ARFIP2: variants seen among roughly 807,000 people sequenced by gnomAD.
ARFIP2 encodes the protein arfaptin-2.
In ARFIP2, 14 loss-of-function variants were observed where a neutral mutation model predicts 39.2. The observed-to-expected ratio is 0.36, with a 90% CI of 0.24 to 0.56. The LOEUF (loss-of-function observed/expected upper bound fraction) is 0.56. Among genes scored for constraint, ARFIP2 ranks in the 20% least tolerant of loss-of-function variants. The pLI is 0.85. For synonymous variants in ARFIP2, 167 were observed against 172.4 expected (o/e 0.97, Z 0.24); for missense variants, 305 against 422.5 (o/e 0.72, Z 2.44).
Position 6,476,883 on chromosome 11 carries a change from T to C in ARFIP2, c.*230A>G. On this transcript the variant is annotated 3_prime_UTR_variant, in exon 8 of 8. Coordinates refer to ENST00000396777, the MANE Select transcript of ARFIP2 (RefSeq NM_001376558.2). ...TTGGCTGTGAAGTGGAAGGAAAAGA[T>C]CTGGGAATGAAGCCCTGTGGCCAGG... is the stretch of plus-strand genomic sequence containing the variant. The C allele has an allele frequency of 2.1e-6, 1 of 484,030 alleles. No homozygotes were observed. Among genetic ancestry groups the C allele is most frequent in the Non-Finnish European group, 3.7e-6 (1 of 273,254 alleles). 30.0% of individuals were successfully genotyped at this position (484,030 alleles called of 1,614,324 possible).
rs772865296 is a variant in ARFIP2, at chr11:6,478,238, C to G, written c.538-40G>C. ...GAGGAACAGACCTTGAATAACACTC[C>G]CTACCTGACTGAAGCTGTAGAGCCC... On this transcript the variant is annotated intron_variant, in intron 5 of 7. Transcript: ENST00000396777. This position sits in a 1 kb window ranked among gnomAD's most constrained non-coding sequence, Gnocchi z 4.8. The G allele has an allele frequency of 7.4e-6, 12 of 1,611,038 alleles. 1 individual carries two copies. The South Asian group carries it at 1.1e-4, about 15-fold the overall frequency.
In ARFIP2 at chr11:6,478,695, C is replaced by A. The variant is rs765611786; in HGVS notation, c.537+43G>T. The A allele has an allele frequency of 1.9e-6, 3 of 1,583,402 alleles. No individual in the cohort carries two copies. The South Asian group carries it at 3.4e-5, about 18-fold the overall frequency. ...GATGAGGAATGACTGCCTGGGAGGG[C>A]CCATGCCCAGTTCCCCCACCCTCTT... is the stretch of plus-strand genomic sequence containing the variant. On this transcript the variant is annotated intron_variant, in intron 5 of 7. Transcript: ENST00000396777. The surrounding 1 kb of genome is among the most constrained non-coding windows in gnomAD (Gnocchi z 4.8).
rs201451089 is a variant in ARFIP2, at chr11:6,478,122, A to T, written c.614T>A (p.Phe205Tyr). Reference sequence around the variant, plus strand: ...CAATGTGTTGATGCTAGAGACAAAGAAGTTCACGGCTCCTAGCAGCGTTTC... The same window carrying T: ...CAATGTGTTGATGCTAGAGACAAAGTAGTTCACGGCTCCTAGCAGCGTTTC... ...NGETLLGAVN[F>Y]FVSSINTLVT... The change falls in exon 6 of 8, where the codon TTC (phenylalanine) becomes TAC (tyrosine). Residue 205 changes from phenylalanine (F) to tyrosine (Y), a missense_variant. This residue lies in a region of ARFIP2 where 42 missense variants were observed against 101.2 expected (regional missense o/e 0.42). Transcript: ENST00000396777. This position sits in a 1 kb window ranked among gnomAD's most constrained non-coding sequence, Gnocchi z 4.8. 14 of 1,614,066 alleles carry T rather than the reference A, an allele frequency of 8.7e-6. No individual in the cohort carries two copies. The highest frequency in any genetic ancestry group is 1.2e-5 in the Non-Finnish European group (14 of 1,180,000).
rs1851147797 is a variant in ARFIP2 at position 6,477,046 on chromosome 11, A to G, written c.*67T>C. The G allele has an allele frequency of 6.6e-7, 1 of 1,508,320 alleles. No homozygotes were observed. The highest frequency in any genetic ancestry group is 1.3e-5 in the South Asian group (1 of 78,046). The allele number at this position is 1,508,320 out of a possible 1,614,324, so 93.4% of individuals were successfully genotyped here. On this transcript the variant is annotated 3_prime_UTR_variant, in exon 8 of 8. Coordinates refer to ENST00000396777, the MANE Select transcript of ARFIP2 (RefSeq NM_001376558.2). This position sits in a 1 kb window ranked among gnomAD's most constrained non-coding sequence, Gnocchi z 4.8. ...AGTGACAAAGGATGTACCATGTCCA[A>G]TCTCCCACACCCTGGGGCTGCCCTT...
rs1171308927 is a variant in ARFIP2 at position 6,477,783 on chromosome 11, G to A, written c.805C>T (p.Arg269Trp). The A allele has an allele frequency of 2.5e-6, 4 of 1,613,816 alleles. No individual in the cohort carries two copies. Among genetic ancestry groups the A allele is most frequent in the African/African-American group, 1.3e-5 (1 of 74,848 alleles). ...CCCCGCAGCTTCTCATACTTGTCCC[G>A]ATGGGCCTGGAAAGTGGCCTGGGCA... ...ESAQATFQAH[R>W]DKYEKLRGDV... is the part of the protein sequence containing the mutation. Residue 269 changes from arginine (R) to tryptophan (W), a missense_variant, in exon 7 of 8, where the codon CGG becomes TGG. Arg to Trp is a moderately radical substitution (Grantham distance 101). Coordinates refer to ENST00000396777, the MANE Select transcript of ARFIP2 (RefSeq NM_001376558.2). This position sits in a 1 kb window ranked among gnomAD's most constrained non-coding sequence, Gnocchi z 4.8.
chr11:6,478,636 G>A lies in ARFIP2; in HGVS notation c.537+102C>T. On this transcript the variant is annotated intron_variant, in intron 5 of 7. Transcript: ENST00000396777. This position sits in a 1 kb window ranked among gnomAD's most constrained non-coding sequence, Gnocchi z 4.8. ...GGGGTAGGGCTGGGCCCACCCTGAA[G>A]GGGTTCTCCCTGTGGGCTGCAGGAG... 2 of 1,508,052 alleles carry A rather than the reference G, an allele frequency of 1.3e-6. No individual in the cohort carries two copies. The highest frequency in any genetic ancestry group is 1.8e-6 in the Non-Finnish European group (2 of 1,124,774). The allele number at this position is 1,508,052 out of a possible 1,614,324, so 93.4% of individuals were successfully genotyped here. A position where few individuals can be genotyped will look rare whatever the true frequency, so the allele number is the denominator to read the frequency against.
intron 2 of ARFIP2, 88 bp downstream of exon 2, chr11:6,480,235 G>A (rs1430914385): frequency 7.1e-7 from 1 of 1,413,052 alleles, no homozygotes; most frequent in Non-Finnish European, 9.9e-7. Context: ...ATAAGTCAGG[G>A]GAAGGCTACT....
rs114586125 is a variant in ARFIP2, at chr11:6,476,745, G to A, written c.*368C>T. The A allele has an allele frequency of 3.2e-3, 734 of 232,418 alleles. 5 individuals carry two copies. The highest frequency in any genetic ancestry group is 0.015 in the African/African-American group (671 of 44,606). 14.4% of individuals were successfully genotyped at this position (232,418 alleles called of 1,614,324 possible). A position where few individuals can be genotyped will look rare whatever the true frequency, so the allele number is the denominator to read the frequency against. On this transcript the variant is annotated 3_prime_UTR_variant, in exon 8 of 8. Transcript: ENST00000396777. ...CAACATCATTGGCCCAGGGGAGTCC[G>A]AGAAGAGCTGCCATTGGCTGACAGG...
chr11:6,479,414 T>A, intron 3 of ARFIP2, 156 bp from the exon 4 acceptor site: 2 of 1,510,788 alleles, frequency 1.3e-6, no homozygotes, highest in Non-Finnish European at 1.8e-6. Flanking sequence ...GAACTCGGAC[T>A]TTGCGCGGTG....
intron 2 of ARFIP2, 58 bp downstream of exon 2, chr11:6,480,265 T>C: frequency 6.4e-7 from 1 of 1,550,842 alleles, no homozygotes; most frequent in Non-Finnish European, 8.8e-7. Flanking sequence ...GGTGAGAACC[T>C]AGGATTTATA....
chr11:6,478,234 A>T lies in ARFIP2; in HGVS notation c.538-36T>A. The T allele has an allele frequency of 6.2e-7, 1 of 1,610,796 alleles. No homozygotes were observed. Among genetic ancestry groups the T allele is most frequent in the Non-Finnish European group, 8.5e-7 (1 of 1,178,090 alleles). ...AAGGGAGGAACAGACCTTGAATAAC[A>T]CTCCCTACCTGACTGAAGCTGTAGA... is the stretch of plus-strand genomic sequence containing the variant. On this transcript the variant is annotated intron_variant, in intron 5 of 7. Transcript: ENST00000396777. The surrounding 1 kb of genome is among the most constrained non-coding windows in gnomAD (Gnocchi z 4.8).
At chr11:6,479,879 C>A in intron 3 of ARFIP2, 93 bp downstream of exon 3, 5 of 1,273,512 alleles carry the variant, frequency 3.9e-6, no homozygotes, top group Non-Finnish European at 2.3e-6. Flanking sequence ...GATCTCCAGA[C>A]ATAATTCAAG....
chr11:6,479,704 G>T, intron 3 of ARFIP2: 1 of 549,846 alleles, frequency 1.8e-6, no homozygotes, highest in Non-Finnish European at 3.2e-6. Context: ...GTAGAGGGGG[G>T]GCATTCCTGT....
At position 6,476,930 on chromosome 11, in the gene ARFIP2, T is replaced by C; in HGVS notation, c.*183A>G. 4.7e-6 allele frequency: 3 copies of C among 634,410 alleles called. No individual in the cohort carries two copies. Among genetic ancestry groups the C allele is most frequent in the Non-Finnish European group, 7.8e-6 (3 of 383,448 alleles). 39.3% of individuals were successfully genotyped at this position (634,410 alleles called of 1,614,324 possible). On this transcript the variant is annotated 3_prime_UTR_variant, in exon 8 of 8. Transcript: ENST00000396777. ...CAGGAAGATAGACAGGGCAGCAACT[T>C]CTGGGCCTCCAGGCCCTCTTCCCAC...
In ARFIP2 at chr11:6,477,966, C is replaced by A. The variant is rs1851278623; in HGVS notation, c.696-74G>T. ...CATACTCTCCTTTCCTTCCTGAATT[C>A]TTATGCCCCTAATGCCCAAATTTCC... On this transcript the variant is annotated intron_variant, in intron 6 of 7. Coordinates refer to ENST00000396777, the MANE Select transcript of ARFIP2 (RefSeq NM_001376558.2). This position sits in a 1 kb window ranked among gnomAD's most constrained non-coding sequence, Gnocchi z 4.8. 6.2e-7 allele frequency: 1 copy of A among 1,604,606 alleles called. No individual in the cohort carries two copies. Among genetic ancestry groups the A allele is most frequent in the Non-Finnish European group, 8.5e-7 (1 of 1,173,290 alleles).
chr11:6,479,844 G>A (rs943079209), intron 3 of ARFIP2, 128 bp downstream of exon 3: 2 of 918,794 alleles, frequency 2.2e-6, no homozygotes, highest in African/African-American at 1.6e-5. Context: ...GAGTCCATGA[G>A]GTTCCTACAA....
Position 6,476,662 on chromosome 11 carries a change from TC to T in ARFIP2, c.*450del. On this transcript the variant is annotated 3_prime_UTR_variant, in exon 8 of 8. Coordinates refer to ENST00000396777, the MANE Select transcript of ARFIP2 (RefSeq NM_001376558.2). ...CTCCCCATTATCCCCACCCCTTTGG[TC>T]CCAGTCCCCTTCTCTGCAATGGGCA... 1 of 163,106 alleles carries T rather than the reference TC, an allele frequency of 6.1e-6. No homozygotes were observed. Among genetic ancestry groups the T allele is most frequent in the East Asian group, 1.7e-4 (1 of 5,856 alleles). The allele number at this position is 163,106 out of a possible 1,614,324, so 10.1% of individuals were successfully genotyped here. A position where few individuals can be genotyped will look rare whatever the true frequency, so the allele number is the denominator to read the frequency against.
In ARFIP2 at chr11:6,477,827, G is replaced by A. The variant is rs1851253507; in HGVS notation, c.761C>T (p.Thr254Ile). 3 of 1,613,868 alleles carry A rather than the reference G, an allele frequency of 1.9e-6. No homozygotes were observed. The South Asian group carries it at 3.3e-5, about 18-fold the overall frequency. Residue 254 changes from threonine to isoleucine, a missense_variant, in exon 7 of 8, where the codon ACA becomes ATA. Physicochemically the swap from Thr to Ile is moderately conservative, Grantham distance 89. This residue lies in a region of ARFIP2 where 112 missense variants were observed against 118.2 expected (regional missense o/e 0.95). Coordinates refer to ENST00000396777, the MANE Select transcript of ARFIP2 (RefSeq NM_001376558.2). This position sits in a 1 kb window ranked among gnomAD's most constrained non-coding sequence, Gnocchi z 4.8. The part of the protein sequence containing the change: ...ELSLGPRDAG[T>I]RGRLESAQAT... Reference sequence around the variant, plus strand: ...CTGGGCACTCTCAAGTCGACCACGTGTCCCTGCATCCCGGGGGCCTAGACT... The same window carrying A: ...CTGGGCACTCTCAAGTCGACCACGTATCCCTGCATCCCGGGGGCCTAGACT...
In ARFIP2 at chr11:6,477,268, T is replaced by G; in HGVS notation, c.871A>C (p.Ile291Leu). The G allele has an allele frequency of 6.2e-7, 1 of 1,612,600 alleles. No individual in the cohort carries two copies. The highest frequency in any genetic ancestry group is 8.5e-7 in the Non-Finnish European group (1 of 1,179,516). ...IKLKFLEENK[I>L]KVMHKQLLLF... ...AGCAGCTGCTTGTGCATCACCTTGA[T>G]CTGGGGGTCCAGCAGGGTCAGCTAA... The change falls in exon 8 of 8, where the codon ATC becomes CTC. Residue 291 changes from isoleucine to leucine, a missense_variant and splice_region_variant. Physicochemically the swap from Ile to Leu is conservative, Grantham distance 5. This residue lies in a region of ARFIP2 where 112 missense variants were observed against 118.2 expected (regional missense o/e 0.95). Transcript: ENST00000396777. This position sits in a 1 kb window ranked among gnomAD's most constrained non-coding sequence, Gnocchi z 4.8.
Sources: allele counts gnomAD v4.1 joint callset, GRCh38; gene constraint gnomAD v4.1.1; regional missense constraint gnomAD v4.1.1; non-coding constraint Gnocchi (gnomAD v3.1); transcripts MANE v1.5; gene names NCBI Gene and HGNC (gene_info 2026-07-23, HGNC 2026-07-21).